The following RANBP2 variants were observed in gnomAD, a reference collection of about 807,000 sequenced individuals.
The protein encoded by RANBP2 is E3 SUMO-protein ligase RanBP2.
In RANBP2, 57 loss-of-function variants were observed where a neutral mutation model predicts 303.6. That is an observed-to-expected ratio of 0.19 (90% CI 0.15 to 0.23). The LOEUF (loss-of-function observed/expected upper bound fraction) is 0.23. Among genes scored for constraint, RANBP2 ranks in the 10% least tolerant of loss-of-function variants. The pLI, the probability that RANBP2 is intolerant of heterozygous loss-of-function variation, is 1.00. For missense variants in RANBP2, 3,138 were observed against 3,780.8 expected, an observed-to-expected ratio of 0.83 and a Z score of 4.46; for synonymous variants, 1,167 against 1,301.5, an observed-to-expected ratio of 0.90 and a Z score of 2.23.
the RANBP2 span, among the ~76,000 whole-genome samples, chr2:109,080,184 G>A: frequency 1.3e-5 from 2 of 152,170 alleles, no homozygotes; most frequent in African/African-American, 4.8e-5. Flanking sequence ...AATCAAAAAT[G>A]GGAGGTGAAT....
rs371030226 is a variant in RANBP2, at chr2:108,763,519, G to A, written c.2980G>A (p.Ala994Thr). The A allele has an allele frequency of 2.5e-6, 4 of 1,613,988 alleles. No individual in the cohort carries two copies. The African/African-American group carries it at 5.3e-5, about 22-fold the overall frequency. Residue 994 changes from alanine (A) to threonine (T), a missense_variant, in exon 20 of 29, where the codon GCA (alanine) becomes ACA (threonine). By Grantham distance (58) the Ala-to-Thr change is moderately conservative. Transcript: ENST00000283195. ...GATTGCAGCTCATGCTTCAAGATCT[G>A]CAGAATCTAAGACTATAGAATTTGG... ...PPIAAHASRSAESKTIEFGKT... is the reference protein window; with the variant it reads ...PPIAAHASRSTESKTIEFGKT...
chr2:108,915,854 G>A, the RANBP2 span, among the ~76,000 whole-genome samples: 2 of 151,786 alleles, frequency 1.3e-5, no homozygotes, highest in Admixed American at 6.6e-5. Flanking sequence ...TCGAGACCAC[G>A]CCATTGCACT....
At chr2:109,297,107 A>G in the RANBP2 span, among the ~76,000 whole-genome samples, 1 of 151,938 alleles carries the variant, frequency 6.6e-6, no homozygotes, top group East Asian at 1.9e-4. Context: ...GGGAAGCCCA[A>G]TACGGCTCCA....
the RANBP2 span, among the ~76,000 whole-genome samples, chr2:108,793,711 C>T: frequency 9.2e-5 from 14 of 151,952 alleles, no homozygotes; most frequent in South Asian, 4.2e-4. Context: ...ACTCTCCTGC[C>T]TCAGCCTCCC....
chr2:109,020,321 T>C, the RANBP2 span, among the ~76,000 whole-genome samples: 1 of 152,148 alleles, frequency 6.6e-6, no homozygotes, highest in African/African-American at 2.4e-5. Context: ...AGGCACCTTA[T>C]GATAACCCTT....
At chr2:109,273,964 T>C in the RANBP2 span, among the ~76,000 whole-genome samples, 2 of 152,150 alleles carry the variant, frequency 1.3e-5, no homozygotes, top group Non-Finnish European at 2.9e-5. Context: ...GTATGGAAAA[T>C]GGAATACTAA....
At chr2:109,651,279 G>C in the RANBP2 span, among the ~76,000 whole-genome samples, 1 of 152,042 alleles carries the variant, frequency 6.6e-6, no homozygotes, top group Non-Finnish European at 1.5e-5. Context: ...CTGGCTCATG[G>C]CATCCTGTAG....
At chr2:109,145,625 C>T in the RANBP2 span, among the ~76,000 whole-genome samples, 1 of 152,198 alleles carries the variant, frequency 6.6e-6, no homozygotes, top group African/African-American at 2.4e-5. Context: ...TATCGCCATG[C>T]GTTTCTAGAC....
the RANBP2 span, among the ~76,000 whole-genome samples, chr2:109,534,679 C>A: frequency 6.6e-6 from 1 of 151,408 alleles, no homozygotes; most frequent in African/African-American, 2.4e-5. Flanking sequence ...ATTCAGGAGG[C>A]TGAGGTGGGA....
At chr2:109,272,885 C>G in the RANBP2 span, among the ~76,000 whole-genome samples, 2 of 152,192 alleles carry the variant, frequency 1.3e-5, no homozygotes, top group Non-Finnish European at 2.9e-5. Context: ...ACATCCCTGA[C>G]CCGGTTCCCT....
chr2:109,266,249 C>T, the RANBP2 span, among the ~76,000 whole-genome samples: 5 of 144,336 alleles, frequency 3.5e-5, no homozygotes, highest in African/African-American at 7.7e-5. Flanking sequence ...GTTGTGTGTG[C>T]TGTGTGTGTT....
the RANBP2 span, among the ~76,000 whole-genome samples, chr2:108,822,258 T>C: frequency 6.6e-6 from 1 of 152,142 alleles, no homozygotes; most frequent in South Asian, 2.1e-4. Context: ...CAAGAAGATA[T>C]AAATGAGAAA....
At chr2:108,727,580 G>T (rs1309953253) in intron 1 of RANBP2, among the ~76,000 whole-genome samples, 605 of 151,436 alleles carry the variant, frequency 4.0e-3, no homozygotes, top group Non-Finnish European at 6.6e-3. Context: ...CACATGGATG[G>T]AACATACTCT....
At chr2:109,556,041 T>C in the RANBP2 span, among the ~76,000 whole-genome samples, 1 of 152,158 alleles carries the variant, frequency 6.6e-6, no homozygotes. Flanking sequence ...TCTGTGACTA[T>C]CCAGCAGAGC....
intron 6 of RANBP2, among the ~76,000 whole-genome samples, chr2:108,739,353 A>G (rs546075913): frequency 6.6e-6 from 1 of 152,216 alleles, no homozygotes; most frequent in Non-Finnish European, 1.5e-5. Context: ...CAGTAAGCCA[A>G]GATTGTGCCA....
At chr2:109,459,543 C>T in the RANBP2 span, among the ~76,000 whole-genome samples, 2 of 152,136 alleles carry the variant, frequency 1.3e-5, no homozygotes, top group African/African-American at 4.8e-5. Context: ...AGGAGACACC[C>T]CAAGGGATCT....
the RANBP2 span, among the ~76,000 whole-genome samples, chr2:109,646,363 C>T: frequency 1.3e-5 from 2 of 152,096 alleles, no homozygotes; most frequent in African/African-American, 2.4e-5. Flanking sequence ...TTTTAAAAAT[C>T]ACAAATAAAA....
chr2:109,194,457 T>C, the RANBP2 span, among the ~76,000 whole-genome samples: 1 of 152,216 alleles, frequency 6.6e-6, no homozygotes, highest in East Asian at 1.9e-4. Context: ...GGCAGCTGTG[T>C]TGAGGCTCTG....
the RANBP2 span, among the ~76,000 whole-genome samples, chr2:109,295,482 G>T: frequency 6.6e-6 from 1 of 152,232 alleles, no homozygotes; most frequent in South Asian, 2.1e-4. Flanking sequence ...GGTGAGGCTG[G>T]GAAAGGAAGC....
Sources: allele counts gnomAD v4.1 joint callset (sites outside exome capture counted in the v4.1 genomes callset), GRCh38; gene constraint gnomAD v4.1.1; transcripts MANE v1.5; gene names NCBI Gene and HGNC (gene_info 2026-07-23, HGNC 2026-07-21).